Variants in FBXO21 observed in about 807,000 individuals in gnomAD.
The protein encoded by FBXO21 is F-box only protein 21.
FBXO21 carries 32 observed loss-of-function variants against 76.6 expected under a neutral mutation model. That is an observed-to-expected ratio of 0.42 (90% CI 0.32 to 0.56). The LOEUF is 0.56. Among genes scored for constraint, FBXO21 ranks in the 20% least tolerant of loss-of-function variants. The pLI, the probability that FBXO21 is intolerant of heterozygous loss-of-function variation, is 0.16. For missense variants in FBXO21, 586 were observed against 797.3 expected (o/e 0.73, Z 3.19); for synonymous variants, 328 against 311.5 (o/e 1.05, Z -0.56).
intron 4 of FBXO21, among the ~76,000 whole-genome samples, chr12:117,175,552 C>A (rs1956164432): frequency 6.6e-6 from 1 of 152,238 alleles, no homozygotes; most frequent in Non-Finnish European, 1.5e-5. Flanking sequence ...CTTACCAATG[C>A]TCCAGAGCTC....
chr12:117,170,222 TC>T (rs570897689), intron 7 of FBXO21, among the ~76,000 whole-genome samples: 4 of 144,676 alleles, frequency 2.8e-5, no homozygotes, highest in Non-Finnish European at 6.0e-5. Flanking sequence ...AAAGATAACA[TC>T]TTTTTAAGGC....
chr12:117,152,650 A>C (rs1319278963), intron 11 of FBXO21, among the ~76,000 whole-genome samples: 2 of 152,274 alleles, frequency 1.3e-5, no homozygotes, highest in East Asian at 3.9e-4. Context: ...ACAAGCCAAA[A>C]ATAGGCATAA....
intron 11 of FBXO21, among the ~76,000 whole-genome samples, chr12:117,154,819 A>G (rs910518488): frequency 1.3e-5 from 2 of 152,170 alleles, no homozygotes; most frequent in African/African-American, 4.8e-5. Flanking sequence ...TGATTATTGG[A>G]TTTATCAGAA....
chr12:117,174,857 C>T (rs886967814), intron 4 of FBXO21, 60 bp from the exon 5 acceptor site: 2 of 1,557,758 alleles, frequency 1.3e-6, no homozygotes, highest in Admixed American at 3.5e-5. Context: ...TATTAGTTTG[C>T]AATTTTACCC....
chr12:117,155,846 G>A lies in FBXO21; in HGVS notation c.1620C>T (p.His540=), dbSNP rs1365168918. 2 of 1,614,112 alleles carry A rather than the reference G, an allele frequency of 1.2e-6. No homozygotes were observed. Among genetic ancestry groups the A allele is most frequent in the South Asian group, 1.1e-5 (1 of 91,086 alleles). The change falls in exon 11 of 12, where the codon CAC becomes CAT. Residue 540 remains histidine (H), a synonymous_variant. Coordinates refer to ENST00000622495, the MANE Select transcript of FBXO21 (RefSeq NM_015002.3). ...CCACCAGCACGTTATAGAAAGGCTG[G>A]TGGTGGCCGTGCGGCAGGCTGTGGA... ...MNVHSLPHGH[H]QPFYNVLVED... is the part of the protein sequence containing the mutation.
chr12:117,164,915 C>G (rs1176427672), intron 9 of FBXO21, among the ~76,000 whole-genome samples: 5 of 152,196 alleles, frequency 3.3e-5, no homozygotes, highest in African/African-American at 1.2e-4. Context: ...GTGCTGCAGC[C>G]ACACAGCTCA....
At chr12:117,174,551 T>C in intron 5 of FBXO21, 100 bp downstream of exon 5, 1 of 1,417,284 alleles carries the variant, frequency 7.1e-7, no homozygotes. Context: ...TTTATCACTT[T>C]TTCATGACAT....
intron 7 of FBXO21, among the ~76,000 whole-genome samples, chr12:117,168,227 AC>A (rs1956078157): frequency 6.6e-6 from 1 of 152,104 alleles, no homozygotes; most frequent in African/African-American, 2.4e-5. Flanking sequence ...TTTATAACCT[AC>A]CCTTAGCAAG....
chr12:117,150,956 T>TTGTG (rs3999685), intron 11 of FBXO21, among the ~76,000 whole-genome samples: 1,105 of 94,658 alleles, frequency 0.012, 15 homozygotes, highest in East Asian at 0.016. Flanking sequence ...TCAAATAAGT[T>TTGTG]TGTGTGTGTG....
intron 11 of FBXO21, among the ~76,000 whole-genome samples, chr12:117,147,816 G>A (rs769042124): frequency 6.6e-6 from 1 of 152,140 alleles, no homozygotes; most frequent in Non-Finnish European, 1.5e-5. Context: ...ACCTGACACC[G>A]GAAGGAAGCT....
chr12:117,157,158 G>A (rs1482441473), intron 10 of FBXO21, among the ~76,000 whole-genome samples: 1 of 151,162 alleles, frequency 6.6e-6, no homozygotes, highest in African/African-American at 2.4e-5. Flanking sequence ...CTCCAGCCTG[G>A]GCAACAGACC....
chr12:117,176,398 C>A (rs1308449167), intron 4 of FBXO21, among the ~76,000 whole-genome samples: 1 of 152,148 alleles, frequency 6.6e-6, no homozygotes, highest in Non-Finnish European at 1.5e-5. Context: ...GGGCACCAGT[C>A]TAGACAATGG....
At chr12:117,165,973 T>C (rs182950895) in intron 8 of FBXO21, among the ~76,000 whole-genome samples, 15 of 152,232 alleles carry the variant, frequency 9.9e-5, no homozygotes, top group African/African-American at 3.6e-4. Context: ...GCGGATCACC[T>C]GAGGTTGGGA....
At chr12:117,163,091 A>G (rs1250891230) in intron 9 of FBXO21, among the ~76,000 whole-genome samples, 1 of 152,208 alleles carries the variant, frequency 6.6e-6, no homozygotes, top group African/African-American at 2.4e-5. Context: ...TGCGCTGGCA[A>G]TGAGCCACTT....
At chr12:117,147,772 C>T (rs1041127835) in intron 11 of FBXO21, among the ~76,000 whole-genome samples, 11 of 152,156 alleles carry the variant, frequency 7.2e-5, no homozygotes, top group Non-Finnish European at 1.3e-4. Context: ...GGTGTGGCCC[C>T]TGATGCAGGA....
chr12:117,146,298 G>T (rs200373050), intron 11 of FBXO21, 21 bp from the exon 12 acceptor site: 3 of 1,580,964 alleles, frequency 1.9e-6, no homozygotes, highest in Non-Finnish European at 1.7e-6. Context: ...AGAGGCACAC[G>T]GGCATTCTCA....
chr12:117,145,951 A>G lies in FBXO21; in HGVS notation c.*136T>C, dbSNP rs1301999646. On this transcript the variant is annotated 3_prime_UTR_variant, in exon 12 of 12. Coordinates refer to ENST00000622495, the MANE Select transcript of FBXO21 (RefSeq NM_015002.3). The stretch of plus-strand genomic sequence containing the variant: ...GCACACGGTATTTAAACTTAGTAGG[A>G]GGCAACCAGCACTACTGGTGGAGTG... The G allele has an allele frequency of 3.3e-6, 2 of 609,204 alleles. No homozygotes were observed. Among genetic ancestry groups the G allele is most frequent in the African/African-American group, 3.7e-5 (2 of 53,486 alleles). The allele number at this position is 609,204 out of a possible 1,614,324, so 37.7% of individuals were successfully genotyped here. A position where few individuals can be genotyped will look rare whatever the true frequency, so the allele number is the denominator to read the frequency against.
rs1309822117 is a variant in FBXO21 at position 117,143,818 on chromosome 12, C to CA, written c.*2268dup. ...TAAGTTCCATTTATTAATCATTGTA[C>CA]AAAAAAATCTTGGCATTCATTTGAA... On this transcript the variant is annotated 3_prime_UTR_variant, in exon 12 of 12. Coordinates refer to ENST00000622495, the MANE Select transcript of FBXO21 (RefSeq NM_015002.3). 3.9e-5 allele frequency: 6 copies of CA among 152,438 alleles called. No individual in the cohort carries two copies. Among genetic ancestry groups the CA allele is most frequent in the Admixed American group, 6.6e-5 (1 of 15,264 alleles). 9.4% of individuals were successfully genotyped at this position (152,438 alleles called of 1,614,324 possible).
At chr12:117,155,754 C>G (rs756296567) in intron 11 of FBXO21, 37 bp downstream of exon 11, 2 of 1,590,180 alleles carry the variant, frequency 1.3e-6, no homozygotes, top group Non-Finnish European at 1.7e-6. Flanking sequence ...AAAACACGCC[C>G]GCGGGGCCAC....
Sources: gnomAD v4.1 joint callset for allele counts (sites outside exome capture counted in the v4.1 genomes callset) on GRCh38, gnomAD v4.1.1 for gene constraint, MANE v1.5 for transcripts, NCBI Gene and HGNC (gene_info 2026-07-23, HGNC 2026-07-21) for gene names.